Variants in CD80 observed in about 807,000 individuals in gnomAD.
The protein encoded by CD80 is CD80 molecule, also known as T-lymphocyte activation antigen CD80.
CD80 carries 13 observed loss-of-function variants against 27.1 expected under a neutral mutation model. The observed-to-expected ratio is 0.48, with a 90% CI of 0.31 to 0.76. The LOEUF is 0.76. Ranked by LOEUF, CD80 falls within the 30% of genes least tolerant of loss-of-function variation. The probability of loss-of-function intolerance (pLI) is 0.04; values close to 1 mark genes in which losing one functional copy is unlikely to be tolerated. For missense variants in CD80, 277 were observed against 347.9 expected, an observed-to-expected ratio of 0.80 and a Z score of 1.62; for synonymous variants, 125 against 125.5, an observed-to-expected ratio of 1.00 and a Z score of 0.03.
At chr3:119,526,652 A>G (rs551964265) in intron 6 of CD80, among the ~76,000 whole-genome samples, 2 of 152,314 alleles carry the variant, frequency 1.3e-5, no homozygotes, top group East Asian at 3.9e-4. Context: ...CTCTCCCATA[A>G]CATGGAAATA....
At chr3:119,554,203 G>A (rs2082250728) in intron 2 of CD80, among the ~76,000 whole-genome samples, 1 of 152,204 alleles carries the variant, frequency 6.6e-6, no homozygotes, top group Non-Finnish European at 1.5e-5. Context: ...CTGCTCATGG[G>A]ACCCCTGGGC....
At chr3:119,553,665 C>A (rs1365997141) in intron 2 of CD80, among the ~76,000 whole-genome samples, 1 of 152,178 alleles carries the variant, frequency 6.6e-6, no homozygotes. Flanking sequence ...ATCACCACTG[C>A]TAGTGGAGAA....
intron 2 of CD80, among the ~76,000 whole-genome samples, chr3:119,555,659 C>T (rs554663434): frequency 3.5e-4 from 53 of 152,354 alleles, no homozygotes; most frequent in Non-Finnish European, 4.6e-4. Context: ...TGCCTGTGCC[C>T]TGCCTTCAAA....
chr3:119,528,185 G>A (rs1360706711), intron 5 of CD80, among the ~76,000 whole-genome samples: 5 of 152,162 alleles, frequency 3.3e-5, no homozygotes, highest in Non-Finnish European at 7.3e-5. Flanking sequence ...GAGAGCCCCT[G>A]AATTAAAGGG....
At chr3:119,534,323 G>A (rs527361721) in intron 4 of CD80, among the ~76,000 whole-genome samples, 241 of 142,828 alleles carry the variant, frequency 1.7e-3, no homozygotes, top group Non-Finnish European at 2.3e-3. Flanking sequence ...AGTGAGCCGA[G>A]ACCACACCAT....
At chr3:119,531,565 G>A (rs2082111589) in intron 4 of CD80, among the ~76,000 whole-genome samples, 1 of 152,232 alleles carries the variant, frequency 6.6e-6, no homozygotes, top group Non-Finnish European at 1.5e-5. Flanking sequence ...CACAGGCGGA[G>A]CTAGCAAGGC....
chr3:119,542,493 T>C (rs1274245299), intron 3 of CD80, among the ~76,000 whole-genome samples: 2 of 152,194 alleles, frequency 1.3e-5, no homozygotes, highest in East Asian at 1.9e-4. Flanking sequence ...AAAAGAAATA[T>C]GTTCAAATTT....
At chr3:119,539,295 T>G (rs1232099714) in intron 3 of CD80, among the ~76,000 whole-genome samples, 1 of 152,216 alleles carries the variant, frequency 6.6e-6, no homozygotes, top group East Asian at 1.9e-4. Flanking sequence ...TATGACTTCT[T>G]GGTGTTCTAT....
chr3:119,535,813 C>T (rs1195644713), intron 4 of CD80, among the ~76,000 whole-genome samples: 1 of 152,072 alleles, frequency 6.6e-6, no homozygotes, highest in Non-Finnish European at 1.5e-5. Context: ...GGTGGCATGC[C>T]CTAAAAGAAA....
intron 2 of CD80, among the ~76,000 whole-genome samples, chr3:119,551,041 A>G (rs946054173): frequency 2.0e-5 from 3 of 152,242 alleles, no homozygotes; most frequent in African/African-American, 7.2e-5. Flanking sequence ...ATTTACAGGT[A>G]TATGTGATAC....
chr3:119,554,708 A>G (rs2082253329), intron 2 of CD80, among the ~76,000 whole-genome samples: 1 of 152,008 alleles, frequency 6.6e-6, no homozygotes, highest in Non-Finnish European at 1.5e-5. Flanking sequence ...AGCCCTCTAT[A>G]ATCCTACTCC....
At chr3:119,538,811 T>C (rs1166569608) in intron 3 of CD80, among the ~76,000 whole-genome samples, 1 of 152,196 alleles carries the variant, frequency 6.6e-6, no homozygotes. Context: ...AGAGGAGATC[T>C]TGGAGAAAGG....
chr3:119,541,567 A>G (rs1402070034), intron 3 of CD80, among the ~76,000 whole-genome samples: 1 of 152,204 alleles, frequency 6.6e-6, no homozygotes, highest in Non-Finnish European at 1.5e-5. Context: ...CTTGCTTCTC[A>G]AATTGTGGTC....
chr3:119,553,323 A>G (rs569514760), intron 2 of CD80, among the ~76,000 whole-genome samples: 2 of 152,110 alleles, frequency 1.3e-5, no homozygotes, highest in Admixed American at 6.5e-5. Flanking sequence ...CATTTTTAGT[A>G]GAGACAGGGT....
intron 5 of CD80, among the ~76,000 whole-genome samples, chr3:119,528,311 G>GT (rs1402928356): frequency 6.6e-6 from 1 of 152,024 alleles, no homozygotes; most frequent in African/African-American, 2.4e-5. Flanking sequence ...TGAGCTTTGG[G>GT]TTTTTTTGGT....
chr3:119,548,536 G>A (rs776211170), intron 2 of CD80, among the ~76,000 whole-genome samples: 9 of 152,154 alleles, frequency 5.9e-5, no homozygotes, highest in Non-Finnish European at 1.0e-4. Context: ...ATTCATTCTC[G>A]TGGCCTTATC....
intron 3 of CD80, among the ~76,000 whole-genome samples, chr3:119,538,453 CT>C (rs1253363498): frequency 6.6e-6 from 1 of 152,194 alleles, no homozygotes; most frequent in Non-Finnish European, 1.5e-5. Context: ...GGTAAATCTG[CT>C]GGTATGATGT....
intron 2 of CD80, among the ~76,000 whole-genome samples, chr3:119,547,947 A>G (rs1361024415): frequency 6.6e-6 from 1 of 151,344 alleles, no homozygotes; most frequent in East Asian, 1.9e-4. Context: ...CCTTCCCTGA[A>G]TCTCCATAAG....
chr3:119,546,739 C>G (rs2082204532), intron 2 of CD80, among the ~76,000 whole-genome samples: 1 of 151,924 alleles, frequency 6.6e-6, no homozygotes, highest in African/African-American at 2.4e-5. Flanking sequence ...ACTGTAAAGA[C>G]CTAGTCTCTG....
Sources: allele counts gnomAD v4.1 joint callset (sites outside exome capture counted in the v4.1 genomes callset), GRCh38; gene constraint gnomAD v4.1.1; transcripts MANE v1.5; gene names NCBI Gene and HGNC (gene_info 2026-07-23, HGNC 2026-07-21).